The following NCOA2 variants were observed in gnomAD, a reference collection of about 807,000 sequenced individuals.
NCOA2 encodes the protein class E basic helix-loop-helix protein 75.
Under a neutral mutation model 145.1 loss-of-function variants are expected in NCOA2, and 21 were observed. That is an observed-to-expected ratio of 0.14 (90% CI 0.10 to 0.21). NCOA2 has a LOEUF of 0.21. NCOA2 is among the 10% of genes least tolerant of loss of function. The pLI is 1.00. For synonymous variants in NCOA2, 619 were observed against 637.5 expected, an observed-to-expected ratio of 0.97 and a Z score of 0.44; for missense variants, 1,472 against 1,837.6, an observed-to-expected ratio of 0.80 and a Z score of 3.64.
chr8:70,410,037 C>T, the NCOA2 span, among the ~76,000 whole-genome samples: 1 of 152,054 alleles, frequency 6.6e-6, no homozygotes, highest in Non-Finnish European at 1.5e-5. Context: ...TGATGAAATC[C>T]CGTCTCTACT....
chr8:70,450,357 T>C, the NCOA2 span, among the ~76,000 whole-genome samples: 1 of 152,136 alleles, frequency 6.6e-6, no homozygotes, highest in African/African-American at 2.4e-5. Flanking sequence ...GAACACTAAC[T>C]AGCCCCTTTT....
chr8:70,304,334 T>A (rs1382718661), intron 1 of NCOA2, among the ~76,000 whole-genome samples: 1 of 152,214 alleles, frequency 6.6e-6, no homozygotes, highest in African/African-American at 2.4e-5. Context: ...CTACACAGGT[T>A]TGTAGCCTAG....
intron 2 of NCOA2, among the ~76,000 whole-genome samples, chr8:70,295,028 T>C (rs1307038423): frequency 2.0e-5 from 3 of 151,998 alleles, no homozygotes; most frequent in African/African-American, 2.4e-5. Flanking sequence ...AAAATCCTGA[T>C]GGCAGAAAGA....
intron 2 of NCOA2, among the ~76,000 whole-genome samples, chr8:70,283,094 C>T (rs1391788213): frequency 6.6e-6 from 1 of 152,226 alleles, no homozygotes. Context: ...AACTCAGGAT[C>T]TACTAGTTTA....
intron 2 of NCOA2, among the ~76,000 whole-genome samples, chr8:70,274,990 C>A (rs1412550353): frequency 1.3e-5 from 2 of 152,090 alleles, no homozygotes; most frequent in Non-Finnish European, 2.9e-5. Context: ...ATTTCCAGAC[C>A]TAACAGATTT....
At chr8:70,146,166 A>C (rs1254869594) in intron 12 of NCOA2, among the ~76,000 whole-genome samples, 2 of 152,224 alleles carry the variant, frequency 1.3e-5, no homozygotes, top group African/African-American at 2.4e-5. Flanking sequence ...TAGAAGTTAA[A>C]AATTTTAAGT....
chr8:70,367,628 C>T (rs954268267), intron 1 of NCOA2, among the ~76,000 whole-genome samples: 10 of 152,124 alleles, frequency 6.6e-5, no homozygotes, highest in Non-Finnish European at 8.8e-5. Flanking sequence ...TCATCAGTTT[C>T]CGTGTATTAA....
At chr8:70,394,070 C>T (rs187492871) in intron 1 of NCOA2, among the ~76,000 whole-genome samples, 26 of 152,330 alleles carry the variant, frequency 1.7e-4, no homozygotes, top group African/African-American at 6.3e-4. Context: ...AAAAGATAGT[C>T]ATGTGGTTTC....
intron 2 of NCOA2, among the ~76,000 whole-genome samples, chr8:70,261,224 T>G (rs1278403900): frequency 6.6e-6 from 1 of 152,152 alleles, no homozygotes; most frequent in African/African-American, 2.4e-5. Context: ...AATGATAGAT[T>G]GGATTAAGAA....
intron 1 of NCOA2, among the ~76,000 whole-genome samples, chr8:70,346,952 T>C (rs936090221): frequency 3.3e-5 from 5 of 152,192 alleles, no homozygotes; most frequent in African/African-American, 1.2e-4. Context: ...ATTTTAATAA[T>C]TGACAATATC....
At chr8:70,347,220 C>T (rs975490039) in intron 1 of NCOA2, among the ~76,000 whole-genome samples, 7 of 152,052 alleles carry the variant, frequency 4.6e-5, no homozygotes, top group Admixed American at 6.6e-5. Flanking sequence ...CACGGTGGCT[C>T]ACACCTGTAA....
At chr8:70,336,469 A>C (rs1391960441) in intron 1 of NCOA2, among the ~76,000 whole-genome samples, 1 of 152,176 alleles carries the variant, frequency 6.6e-6, no homozygotes, top group African/African-American at 2.4e-5. Flanking sequence ...TACTATAAAG[A>C]AGTATCTTAA....
chr8:70,220,866 C>T (rs2134020256), intron 2 of NCOA2, among the ~76,000 whole-genome samples: 1 of 152,270 alleles, frequency 6.6e-6, no homozygotes, highest in African/African-American at 2.4e-5. Flanking sequence ...ATATACAGAA[C>T]AAATTCAGTT....
rs1808151298 is a variant in NCOA2, at chr8:70,124,217, C to T, written c.4095-135G>A. The T allele has an allele frequency of 2.4e-5, 19 of 797,148 alleles. No individual in the cohort carries two copies. In the East Asian group the frequency reaches 5.1e-4, roughly 21 times the overall value. The allele number at this position is 797,148 out of a possible 1,614,324, so 49.4% of individuals were successfully genotyped here. A position where few individuals can be genotyped will look rare whatever the true frequency, so the allele number is the denominator to read the frequency against. Reference sequence around the variant, plus strand: ...ACTGCATGAACCCAGGCTGAGACAGCCGGCAGGTGGTGGGCTTGCTGAAGC... The same window carrying T: ...ACTGCATGAACCCAGGCTGAGACAGTCGGCAGGTGGTGGGCTTGCTGAAGC... On this transcript the variant is annotated intron_variant, in intron 20 of 22. Transcript: ENST00000452400.
chr8:70,409,353 G>C, the NCOA2 span, among the ~76,000 whole-genome samples: 1 of 152,138 alleles, frequency 6.6e-6, no homozygotes, highest in Non-Finnish European at 1.5e-5. Flanking sequence ...TGTAAGAATA[G>C]ACAAACAGAT....
chr8:70,182,540 G>T (rs570487686), intron 4 of NCOA2, among the ~76,000 whole-genome samples: 2 of 152,296 alleles, frequency 1.3e-5, no homozygotes, highest in East Asian at 3.9e-4. Context: ...GTATTAGACA[G>T]AATATTTAGG....
intron 2 of NCOA2, among the ~76,000 whole-genome samples, chr8:70,226,298 G>A (rs1399237804): frequency 6.6e-6 from 1 of 151,898 alleles, no homozygotes; most frequent in Non-Finnish European, 1.5e-5. Flanking sequence ...AAAGAAAGAA[G>A]AAAAGGAATG....
intron 2 of NCOA2, among the ~76,000 whole-genome samples, chr8:70,225,855 G>A (rs1005724753): frequency 3.9e-5 from 6 of 152,232 alleles, no homozygotes; most frequent in Middle Eastern, 3.4e-3. Flanking sequence ...TATTTGACCC[G>A]TGGCAAGTTA....
intron 4 of NCOA2, among the ~76,000 whole-genome samples, chr8:70,201,201 T>C (rs938491158): frequency 6.6e-6 from 1 of 152,132 alleles, no homozygotes; most frequent in African/African-American, 2.4e-5. Context: ...AATTGGTATT[T>C]AGAGTCTTTA....
Sources: allele counts gnomAD v4.1 joint callset (sites outside exome capture counted in the v4.1 genomes callset), GRCh38; gene constraint gnomAD v4.1.1; transcripts MANE v1.5; gene names NCBI Gene and HGNC (gene_info 2026-07-23, HGNC 2026-07-21).